Variants in CACNA2D1 observed in about 807,000 individuals in gnomAD.
CACNA2D1 encodes calcium voltage-gated channel auxiliary subunit alpha2delta 1.
CACNA2D1 carries 53 observed loss-of-function variants against 171.5 expected under a neutral mutation model. The observed-to-expected ratio is 0.31, with a 90% CI of 0.25 to 0.39. The LOEUF is 0.39. CACNA2D1 is among the 10% of genes least tolerant of loss of function. CACNA2D1 has a pLI of 1.00. For missense variants in CACNA2D1, 903 were observed against 1,299.8 expected (o/e 0.69, Z 4.69); for synonymous variants, 442 against 443.1 (o/e 1.00, Z 0.03).
intron 1 of CACNA2D1, among the ~76,000 whole-genome samples, chr7:82,368,044 C>A (rs529126429): frequency 6.6e-6 from 1 of 152,208 alleles, no homozygotes; most frequent in East Asian, 1.9e-4. Flanking sequence ...GCATTAGCAA[C>A]CTCAATGTAA....
chr7:82,095,966 A>C (rs572525901), intron 6 of CACNA2D1, among the ~76,000 whole-genome samples: 1 of 152,310 alleles, frequency 6.6e-6, no homozygotes, highest in East Asian at 1.9e-4. Context: ...CAATTTTTAG[A>C]TAAGTCCTTT....
At chr7:82,081,568 T>C (rs1809777297) in intron 7 of CACNA2D1, among the ~76,000 whole-genome samples, 1 of 152,184 alleles carries the variant, frequency 6.6e-6, no homozygotes, top group African/African-American at 2.4e-5. Context: ...CAGCCTGTTA[T>C]TTGGTGAGTC....
chr7:82,418,151 GGA>G (rs1359197210), intron 1 of CACNA2D1, among the ~76,000 whole-genome samples: 36 of 152,190 alleles, frequency 2.4e-4, no homozygotes, highest in African/African-American at 8.2e-4. Context: ...CATGGCAGCA[GGA>G]GAGAGAAATG....
intron 12 of CACNA2D1, chr7:82,027,510 A>C (rs1216205919): frequency 8.6e-5 from 13 of 151,706 alleles, no homozygotes; most frequent in Admixed American, 8.6e-4. Flanking sequence ...TGTATCTATA[A>C]GCTTTCCTTG....
intron 10 of CACNA2D1, among the ~76,000 whole-genome samples, chr7:82,047,814 GA>G (rs1180657806): frequency 6.6e-6 from 1 of 152,100 alleles, no homozygotes; most frequent in Non-Finnish European, 1.5e-5. Flanking sequence ...AGAAATGATA[GA>G]AAAAATGAAG....
chr7:82,318,990 A>T (rs571906403), intron 3 of CACNA2D1, among the ~76,000 whole-genome samples: 1 of 152,226 alleles, frequency 6.6e-6, no homozygotes, highest in Non-Finnish European at 1.5e-5. Flanking sequence ...AGTGCAAGGC[A>T]GAGTGAGGAG....
At chr7:82,111,292 G>GTATATA (rs113362103) in intron 6 of CACNA2D1, among the ~76,000 whole-genome samples, 76 of 120,852 alleles carry the variant, frequency 6.3e-4, no homozygotes, top group African/African-American at 2.0e-3. Context: ...ATATGTCTGG[G>GTATATA]TATATATATA....
intron 18 of CACNA2D1, among the ~76,000 whole-genome samples, chr7:81,997,733 A>G (rs1460263578): frequency 6.6e-6 from 1 of 151,794 alleles, no homozygotes; most frequent in African/African-American, 2.4e-5. Context: ...AAAACATTCT[A>G]TTGGACCTGT....
At chr7:82,251,910 G>C (rs747851193) in intron 3 of CACNA2D1, among the ~76,000 whole-genome samples, 3 of 152,020 alleles carry the variant, frequency 2.0e-5, no homozygotes, top group Non-Finnish European at 4.4e-5. Context: ...GTTATGAGTC[G>C]CAGAACTACA....
intron 1 of CACNA2D1, among the ~76,000 whole-genome samples, chr7:82,359,500 G>A (rs116221269): frequency 2.6e-5 from 4 of 151,948 alleles, no homozygotes; most frequent in Admixed American, 2.0e-4. Context: ...CCAGTCCAGC[G>A]CACTGAACTG....
intron 3 of CACNA2D1, among the ~76,000 whole-genome samples, chr7:82,322,821 T>C (rs1019248773): frequency 3.9e-5 from 6 of 152,158 alleles, no homozygotes; most frequent in South Asian, 4.1e-4. Context: ...CACCTGTGTA[T>C]ATAAAAAAGC....
intron 3 of CACNA2D1, among the ~76,000 whole-genome samples, chr7:82,298,475 G>C (rs1812572256): frequency 1.3e-5 from 2 of 151,818 alleles, no homozygotes; most frequent in African/African-American, 4.8e-5. Flanking sequence ...ACTTAAAATT[G>C]GTGACCAGAA....
At chr7:82,389,165 T>TAC (rs762423418) in intron 1 of CACNA2D1, among the ~76,000 whole-genome samples, 10,473 of 146,366 alleles carry the variant, frequency 0.072, 898 homozygotes, top group African/African-American at 0.21. Flanking sequence ...TATATATATA[T>TAC]ACACACACAC....
chr7:82,015,055 A>C (rs1289065439), intron 12 of CACNA2D1, among the ~76,000 whole-genome samples: 1 of 152,162 alleles, frequency 6.6e-6, no homozygotes, highest in African/African-American at 2.4e-5. Context: ...TCCATTTCAA[A>C]AAAAGAAAAA....
At chr7:82,427,183 T>C (rs1251947805) in intron 1 of CACNA2D1, among the ~76,000 whole-genome samples, 2 of 152,162 alleles carry the variant, frequency 1.3e-5, no homozygotes, top group South Asian at 2.1e-4. Context: ...TGCCATACTA[T>C]GCCTTAGCAC....
intron 5 of CACNA2D1, among the ~76,000 whole-genome samples, chr7:82,119,811 T>C (rs1232290327): frequency 6.6e-6 from 1 of 152,202 alleles, no homozygotes; most frequent in Non-Finnish European, 1.5e-5. Context: ...TTAGTTGATA[T>C]AGAATAAAAT....
intron 7 of CACNA2D1, among the ~76,000 whole-genome samples, chr7:82,079,249 A>C (rs1862124): frequency 0.58 from 88,893 of 152,062 alleles, 27,272 homozygotes; most frequent in East Asian, 0.7. Flanking sequence ...CTTAACAATT[A>C]TACCATCTAA....
chr7:82,164,430 C>T (rs1216083078), intron 4 of CACNA2D1, among the ~76,000 whole-genome samples: 3 of 142,084 alleles, frequency 2.1e-5, no homozygotes, highest in African/African-American at 5.1e-5. Context: ...CATTGTTAGA[C>T]AAAAAATCTA....
intron 3 of CACNA2D1, among the ~76,000 whole-genome samples, chr7:82,292,443 G>A (rs1417786137): frequency 6.6e-6 from 1 of 151,998 alleles, no homozygotes; most frequent in African/African-American, 2.4e-5. Context: ...TGTTTTGTTG[G>A]AGCACTTCCT....
Sources: allele counts gnomAD v4.1 joint callset (sites outside exome capture counted in the v4.1 genomes callset), GRCh38; gene constraint gnomAD v4.1.1; transcripts MANE v1.5; gene names NCBI Gene and HGNC (gene_info 2026-07-23, HGNC 2026-07-21).